Variants in RARB observed in about 807,000 individuals in gnomAD.
The protein encoded by RARB is retinoic acid receptor beta, also known as HBV-activated protein.
In RARB, 17 loss-of-function variants were observed where a neutral mutation model predicts 51.9. The observed-to-expected ratio is 0.33, with a 90% confidence interval of 0.22 to 0.49. The LOEUF (loss-of-function observed/expected upper bound fraction) is 0.49, where lower values mean the gene tolerates loss of function less well. Among genes scored for constraint, RARB ranks in the 20% least tolerant of loss-of-function variants. The pLI, the probability that RARB is intolerant of heterozygous loss-of-function variation, is 0.99. For missense variants in RARB, 369 were observed against 550.8 expected (o/e 0.67, Z 3.30); for synonymous variants, 215 against 195.4 (o/e 1.10, Z -0.84).
intron 2 of RARB, among the ~76,000 whole-genome samples, chr3:24,861,405 C>G (rs1215175169): frequency 6.6e-6 from 1 of 152,022 alleles, no homozygotes; most frequent in Non-Finnish European, 1.5e-5. Context: ...TTCGTTAATA[C>G]AGAGAGGTGG....
chr3:25,466,281 G>A (rs981102709), intron 2 of RARB, among the ~76,000 whole-genome samples: 4 of 152,086 alleles, frequency 2.6e-5, no homozygotes, highest in East Asian at 1.9e-4. Context: ...TCTGCCTCCC[G>A]GGTTCAAGCA....
chr3:25,486,256 A>G (rs753281214), intron 2 of RARB, among the ~76,000 whole-genome samples: 3 of 152,220 alleles, frequency 2.0e-5, no homozygotes, highest in Non-Finnish European at 2.9e-5. Context: ...TTAATAAGAC[A>G]CGTGGAAATC....
intron 2 of RARB, among the ~76,000 whole-genome samples, chr3:24,901,346 C>G (rs1703600413): frequency 3.3e-5 from 5 of 152,022 alleles, no homozygotes. Context: ...TTATAAGGCC[C>G]CTATCTGAAA....
intron 3 of RARB, among the ~76,000 whole-genome samples, chr3:25,564,612 G>A (rs1470623394): frequency 6.6e-6 from 1 of 152,160 alleles, no homozygotes; most frequent in African/African-American, 2.4e-5. Flanking sequence ...TTAGTTATAT[G>A]TCTACCTTAT....
chr3:25,502,288 G>A (rs1173342945), intron 3 of RARB, among the ~76,000 whole-genome samples: 1 of 152,214 alleles, frequency 6.6e-6, no homozygotes, highest in African/African-American at 2.4e-5. Flanking sequence ...TGGAGTTGGA[G>A]GAATTACATT....
intron 5 of RARB, among the ~76,000 whole-genome samples, chr3:25,390,671 T>C (rs1266181260): frequency 6.6e-6 from 1 of 152,184 alleles, no homozygotes; most frequent in Non-Finnish European, 1.5e-5. Flanking sequence ...ATCATATTTA[T>C]CAAGTTTGGG....
At chr3:25,416,609 G>T (rs1897501) in intron 5 of RARB, among the ~76,000 whole-genome samples, 125,993 of 152,190 alleles carry the variant, frequency 0.83, 52,557 homozygotes, top group East Asian at 1. Flanking sequence ...CCATACAGTT[G>T]CCACTACGAT....
chr3:24,927,591 A>T (rs564428184), intron 2 of RARB, among the ~76,000 whole-genome samples: 1 of 152,010 alleles, frequency 6.6e-6, no homozygotes, highest in East Asian at 1.9e-4. Context: ...CAGCCCCAGA[A>T]ACATGCAAAG....
At chr3:25,538,072 A>G (rs774861918) in intron 3 of RARB, among the ~76,000 whole-genome samples, 1 of 152,224 alleles carries the variant, frequency 6.6e-6, no homozygotes, top group Admixed American at 6.5e-5. Flanking sequence ...AAAATCAACA[A>G]TGAAACTTTT....
At chr3:25,380,159 G>C (rs1706582145) in intron 5 of RARB, among the ~76,000 whole-genome samples, 1 of 152,148 alleles carries the variant, frequency 6.6e-6, no homozygotes, top group South Asian at 2.1e-4. Flanking sequence ...GAAAGGGAAA[G>C]AATAAACAGT....
At chr3:25,171,513 C>G (rs1398133591) in intron 4 of RARB, among the ~76,000 whole-genome samples, 1 of 107,140 alleles carries the variant, frequency 9.3e-6, no homozygotes, top group African/African-American at 3.8e-5. Context: ...AAAAAAAAAG[C>G]CCAGACATGA....
chr3:25,466,227 G>T (rs1204131146), intron 2 of RARB, among the ~76,000 whole-genome samples: 8 of 152,154 alleles, frequency 5.3e-5, no homozygotes. Flanking sequence ...CACTCTTGTT[G>T]CCCAGGCTGG....
intron 3 of RARB, among the ~76,000 whole-genome samples, chr3:25,567,553 G>A (rs909781724): frequency 6.6e-6 from 1 of 152,130 alleles, no homozygotes; most frequent in Non-Finnish European, 1.5e-5. Flanking sequence ...ATCGGGTGAT[G>A]AACATTTGGG....
chr3:25,070,627 C>T (rs993803), intron 3 of RARB, among the ~76,000 whole-genome samples: 103,253 of 151,980 alleles, frequency 0.68, 35,562 homozygotes, highest in Non-Finnish European at 0.73. Flanking sequence ...TAGTAGCAAA[C>T]CATTTATATA....
intron 2 of RARB, among the ~76,000 whole-genome samples, chr3:24,985,349 G>GTTTTT: frequency 7.6e-6 from 1 of 131,274 alleles, no homozygotes; most frequent in South Asian, 2.5e-4. Context: ...TGGTTTTTTT[G>GTTTTT]TTTTTTTTTT....
chr3:25,421,417 T>TC (rs1707860218), intron 5 of RARB, among the ~76,000 whole-genome samples: 3 of 138,608 alleles, frequency 2.2e-5, no homozygotes, highest in African/African-American at 8.2e-5. Flanking sequence ...TTTTTTTTTT[T>TC]TTTTTTTTTT....
Position 25,386,442 on chromosome 3 carries a change from G to C in RARB, c.179-74751G>C, listed in dbSNP as rs972438313. Among the ~76,000 whole-genome samples the C allele has an allele frequency of 2.6e-5, 4 of 152,070 alleles. No homozygotes were observed. The East Asian group carries it at 5.8e-4, about 22-fold the overall frequency. ...GAGTTATTGAACGATTTTATAAGAA[G>C]GAAAAAAGTAGCTTTTTAGAAAGGT... On this transcript the variant is annotated intron_variant, in intron 5 of 11. Transcript: ENST00000383772.
At chr3:24,959,542 G>T (rs922311021) in intron 2 of RARB, among the ~76,000 whole-genome samples, 5 of 152,124 alleles carry the variant, frequency 3.3e-5, no homozygotes, top group Admixed American at 6.5e-5. Flanking sequence ...AGTAGTTTTG[G>T]AAAAAGCAGC....
At chr3:25,435,170 A>G (rs894390569) in intron 1 of RARB, among the ~76,000 whole-genome samples, 2 of 152,174 alleles carry the variant, frequency 1.3e-5, no homozygotes, top group Non-Finnish European at 1.5e-5. Context: ...TCACTGTCCT[A>G]ATTTGACCCA....
Sources: gnomAD v4.1 joint callset for allele counts (sites outside exome capture counted in the v4.1 genomes callset) on GRCh38, gnomAD v4.1.1 for gene constraint, MANE v1.5 for transcripts, NCBI Gene and HGNC (gene_info 2026-07-23, HGNC 2026-07-21) for gene names.